The following MLPH variants were observed in gnomAD, a reference collection of about 807,000 sequenced individuals.
The protein encoded by MLPH is exophilin-3.
A neutral mutation model predicts 72.1 loss-of-function variants in MLPH; 51 were observed. The observed-to-expected ratio is 0.71, with a 90% confidence interval of 0.56 to 0.89. MLPH has a LOEUF of 0.89. MLPH is among the 40% of genes least tolerant of loss of function. MLPH has a pLI of 0.00. For synonymous variants in MLPH, 301 were observed against 310.1 expected, an observed-to-expected ratio of 0.97 and a Z score of 0.31; for missense variants, 743 against 759.9, an observed-to-expected ratio of 0.98 and a Z score of 0.26.
At chr2:237,486,641 C>T (rs2079323385), upstream of MLPH, 1 of 152,308 alleles carries the variant, frequency 6.6e-6, no homozygotes, top group African/African-American at 2.4e-5. Context: ...CGGATCTTGA[C>T]TTTTTCTTGG....
intron 2 of MLPH, among the ~76,000 whole-genome samples, chr2:237,495,701 C>A (rs1454172019): frequency 6.6e-6 from 1 of 152,192 alleles, no homozygotes; most frequent in Non-Finnish European, 1.5e-5. Flanking sequence ...GACCACCAGT[C>A]ACCCCTGGAT....
At position 237,527,445 on chromosome 2, in the gene MLPH, G is replaced by C. The variant is rs199717386; in HGVS notation, c.949G>C (p.Glu317Gln). The change falls in exon 8 of 16, where the codon GAA becomes CAA. Residue 317 changes from glutamate (E) to glutamine (Q), a missense_variant. Physicochemically the swap from Glu to Gln is conservative, Grantham distance 29 (BLOSUM62 2). Transcript: ENST00000264605. ...YLADVDTSDEESIRAHVMASH... is the reference protein window; with the variant it reads ...YLADVDTSDEQSIRAHVMASH... ...GGCCGATGTGGACACCTCTGATGAG[G>C]AAAGCATCCGGGCTCACGTGATGGC... 13 of 1,614,086 alleles carry C rather than the reference G, an allele frequency of 8.1e-6. No homozygotes were observed. The highest frequency in any genetic ancestry group is 1.1e-5 in the Non-Finnish European group (13 of 1,180,050).
At chr2:237,493,916 C>T (rs567310576) in intron 2 of MLPH, among the ~76,000 whole-genome samples, 3 of 152,256 alleles carry the variant, frequency 2.0e-5, no homozygotes, top group Admixed American at 2.0e-4. Context: ...AGAGGCTGCC[C>T]TTCCACCTCT....
intron 2 of MLPH, among the ~76,000 whole-genome samples, chr2:237,494,047 G>A (rs6711786): frequency 1.4e-4 from 21 of 152,284 alleles, no homozygotes; most frequent in African/African-American, 3.6e-4. Flanking sequence ...TATCCACTGC[G>A]CATCTTCCTC....
At chr2:237,502,844 C>T (rs10170486) in intron 2 of MLPH, among the ~76,000 whole-genome samples, 6,949 of 152,174 alleles carry the variant, frequency 0.046, 512 homozygotes, top group African/African-American at 0.16. Flanking sequence ...TTTGACCAGG[C>T]TCGGTGACTG....
chr2:237,542,999 G>GAGA (rs2080751101), intron 12 of MLPH, among the ~76,000 whole-genome samples: 1 of 54,184 alleles, frequency 1.8e-5, no homozygotes. Flanking sequence ...TGGGGGCACA[G>GAGA]TGGTGAGTGG....
In MLPH at chr2:237,499,144, T is replaced by C. The variant is rs1559336096; in HGVS notation, c.110+5608T>C. Among the ~76,000 whole-genome samples, 6 of 152,288 alleles carry C rather than the reference T, an allele frequency of 3.9e-5. No homozygotes were observed. In the South Asian group the frequency reaches 1.2e-3, roughly 32 times the overall value. On this transcript the variant is annotated intron_variant, in intron 2 of 15. Transcript: ENST00000264605. The stretch of plus-strand genomic sequence containing the variant: ...AAATGGTCAAAGAACAGATAAATCC[T>C]GTGTGATTTAAACTGCTTCACGGCA...
intron 8 of MLPH, among the ~76,000 whole-genome samples, chr2:237,533,731 C>T (rs1463181013): frequency 1.3e-5 from 2 of 152,354 alleles, no homozygotes; most frequent in Admixed American, 6.5e-5. Flanking sequence ...AGATGCTCAA[C>T]GGGACCAGAG....
intron 2 of MLPH, among the ~76,000 whole-genome samples, chr2:237,494,431 CG>C (rs2079493879): frequency 6.6e-6 from 1 of 152,044 alleles, no homozygotes; most frequent in Admixed American, 6.6e-5. Flanking sequence ...GTGCCAGTCA[CG>C]GGGGTCCTGT....
At position 237,493,547 on chromosome 2, in the gene MLPH, C is replaced by G. The variant is rs201754288; in HGVS notation, c.110+11C>G. On this transcript the variant is annotated intron_variant, in intron 2 of 15. Coordinates refer to ENST00000264605, the MANE Select transcript of MLPH (RefSeq NM_024101.7). ...AGAGGAACGGCTAGAGTGAGTGTGC[C>G]GTGCTGAGCCCACGGAGCCCGGGGT... 9.3e-6 allele frequency: 15 copies of G among 1,605,976 alleles called. No homozygotes were observed. The Admixed American group carries it at 2.5e-4, about 27-fold the overall frequency.
chr2:237,521,647 G>T (rs1390887945), intron 6 of MLPH, among the ~76,000 whole-genome samples: 4 of 152,182 alleles, frequency 2.6e-5, no homozygotes, highest in Non-Finnish European at 4.4e-5. Flanking sequence ...AGTAACAGCC[G>T]CCAGACAGAA....
At chr2:237,540,003 C>T (rs1261199583) in intron 9 of MLPH, among the ~76,000 whole-genome samples, 1 of 152,232 alleles carries the variant, frequency 6.6e-6, no homozygotes, top group Non-Finnish European at 1.5e-5. Flanking sequence ...CATGACTCCA[C>T]ACCCCTCTCT....
At chr2:237,499,097 T>C (rs147899889) in intron 2 of MLPH, among the ~76,000 whole-genome samples, 1,730 of 152,244 alleles carry the variant, frequency 0.011, 23 homozygotes, top group African/African-American at 0.039. Flanking sequence ...TTCGTCCATA[T>C]GCTTTCATGG....
In MLPH at chr2:237,525,890, TC is replaced by T. The variant is rs1262699012; in HGVS notation, c.880+87del. On this transcript the variant is annotated intron_variant, in intron 7 of 15. Coordinates refer to ENST00000264605, the MANE Select transcript of MLPH (RefSeq NM_024101.7). ...GGAACAACCCCACCACCCTGACCTA[TC>T]CAACACACGGGCTGATTTGAAAGGC... 3.0e-6 allele frequency: 4 copies of T among 1,318,570 alleles called. No homozygotes were observed. The East Asian group carries it at 9.7e-5, about 32-fold the overall frequency. The allele number at this position is 1,318,570 out of a possible 1,614,324, so 81.7% of individuals were successfully genotyped here.
intron 1 of MLPH, among the ~76,000 whole-genome samples, chr2:237,488,884 C>A (rs1022240958): frequency 6.6e-6 from 1 of 152,204 alleles, no homozygotes; most frequent in Non-Finnish European, 1.5e-5. Flanking sequence ...GTGGTTGGGG[C>A]AGCCTTCTAG....
chr2:237,497,987 C>T (rs1030028385), intron 2 of MLPH, among the ~76,000 whole-genome samples: 20 of 152,300 alleles, frequency 1.3e-4, no homozygotes, highest in African/African-American at 4.8e-4. Flanking sequence ...CCATGTGTCT[C>T]ACAAACTCTG....
chr2:237,545,687 T>A (rs1320200), intron 12 of MLPH: 5 of 1,220,956 alleles, frequency 4.1e-6, no homozygotes, highest in African/African-American at 3.2e-5. Flanking sequence ...TTCAGGAATC[T>A]TCAGACAAAA....
chr2:237,542,698 T>TG (rs535473324), intron 12 of MLPH, 39 bp downstream of exon 12: 4 of 836,886 alleles, frequency 4.8e-6, no homozygotes, highest in Admixed American at 6.0e-5. Context: ...CAGTGCTGAG[T>TG]GGGGGGGCAG....
At chr2:237,546,111 G>A (rs920459200) in intron 12 of MLPH, among the ~76,000 whole-genome samples, 1 of 152,194 alleles carries the variant, frequency 6.6e-6, no homozygotes, top group Non-Finnish European at 1.5e-5. Flanking sequence ...TTAAGTGGGG[G>A]CTTCCTGGTT....
Sources: allele counts gnomAD v4.1 joint callset (sites outside exome capture counted in the v4.1 genomes callset), GRCh38; gene constraint gnomAD v4.1.1; transcripts MANE v1.5; gene names NCBI Gene and HGNC (gene_info 2026-07-23, HGNC 2026-07-21).